PLXDC2: variants seen among roughly 807,000 people sequenced by gnomAD.
PLXDC2 encodes plexin domain-containing protein 2.
In PLXDC2, 40 loss-of-function variants were observed where a neutral mutation model predicts 68.9. The observed-to-expected ratio is 0.58, with a 90% CI of 0.45 to 0.76. The LOEUF is 0.76. Among genes scored for constraint, PLXDC2 ranks in the 30% least tolerant of loss-of-function variants. The pLI is 0.00. For missense variants in PLXDC2, 644 were observed against 661.9 expected (o/e 0.97, Z 0.30); for synonymous variants, 243 against 234.2 (o/e 1.04, Z -0.34).
chr10:20,087,362 T>C lies in PLXDC2; in HGVS notation c.541+19123T>C, dbSNP rs144722670. On this transcript the variant is annotated intron_variant, in intron 4 of 13. Coordinates refer to ENST00000377252, the MANE Select transcript of PLXDC2 (RefSeq NM_032812.9). ...CTCAGAGAATATTTAAGATAATTTA[T>C]TACTACTAAAAATGGTTGGCTTGCT... 2.7e-3 allele frequency among the ~76,000 whole-genome samples: 411 copies of C among 152,296 alleles called. 4 individuals are homozygous for C. The highest frequency in any genetic ancestry group is 2.4e-3 in the Non-Finnish European group (165 of 68,030).
At chr10:20,004,320 T>C (rs1834989882) in intron 2 of PLXDC2, among the ~76,000 whole-genome samples, 1 of 152,196 alleles carries the variant, frequency 6.6e-6, no homozygotes, top group African/African-American at 2.4e-5. Context: ...CAACGGTTGA[T>C]GTGTCAGGAG....
chr10:20,048,461 A>G (rs562887401), intron 3 of PLXDC2, among the ~76,000 whole-genome samples: 6 of 152,206 alleles, frequency 3.9e-5, no homozygotes, highest in East Asian at 1.9e-4. Flanking sequence ...TTTCCAACAG[A>G]TTGTCAAAAG....
chr10:19,965,311 A>C (rs888114179), intron 1 of PLXDC2, among the ~76,000 whole-genome samples: 2 of 152,176 alleles, frequency 1.3e-5, no homozygotes, highest in Non-Finnish European at 2.9e-5. Context: ...AAGGAGTTCT[A>C]CCATAATCAT....
At chr10:19,838,394 A>G (rs1429361423) in intron 1 of PLXDC2, among the ~76,000 whole-genome samples, 1 of 152,224 alleles carries the variant, frequency 6.6e-6, no homozygotes, top group Admixed American at 6.5e-5. Context: ...TTTCTATACT[A>G]TTTGTTAACT....
chr10:20,050,155 C>T (rs1835867377), intron 3 of PLXDC2, among the ~76,000 whole-genome samples: 1 of 152,094 alleles, frequency 6.6e-6, no homozygotes, highest in South Asian at 2.1e-4. Flanking sequence ...ACTGGCTAGC[C>T]ATATACAGCA....
At chr10:20,235,969 T>C (rs2131883320) in intron 12 of PLXDC2, among the ~76,000 whole-genome samples, 1 of 152,282 alleles carries the variant, frequency 6.6e-6, no homozygotes, top group South Asian at 2.1e-4. Context: ...CTAAGTTTTT[T>C]GTGTAGTTAA....
intron 6 of PLXDC2, among the ~76,000 whole-genome samples, chr10:20,156,268 G>A (rs78493969): frequency 0.065 from 9,830 of 152,184 alleles, 359 homozygotes; most frequent in South Asian, 0.086. Flanking sequence ...CAGACTCTTC[G>A]TGTTCCAATT....
chr10:20,072,243 G>A (rs991100441), intron 4 of PLXDC2, among the ~76,000 whole-genome samples: 1 of 151,838 alleles, frequency 6.6e-6, no homozygotes, highest in African/African-American at 2.4e-5. Context: ...GGTGGCACAT[G>A]CCTGTAATCC....
chr10:20,241,155 T>C (rs908219676), intron 12 of PLXDC2, among the ~76,000 whole-genome samples: 1 of 152,096 alleles, frequency 6.6e-6, no homozygotes, highest in Admixed American at 6.6e-5. Context: ...AAGGAGATAA[T>C]GTCACTAAAT....
intron 7 of PLXDC2, among the ~76,000 whole-genome samples, chr10:20,167,891 A>T (rs1589662612): frequency 6.6e-6 from 1 of 152,088 alleles, no homozygotes; most frequent in East Asian, 1.9e-4. Context: ...TATTATTAAA[A>T]TTTCTCCCTA....
At chr10:20,160,733 TAA>T (rs1474892972) in intron 6 of PLXDC2, among the ~76,000 whole-genome samples, 1 of 152,042 alleles carries the variant, frequency 6.6e-6, no homozygotes, top group Non-Finnish European at 1.5e-5. Context: ...AAGAATAAAC[TAA>T]AGAGACAGAA....
At chr10:20,146,642 T>TA (rs1256207286) in intron 5 of PLXDC2, among the ~76,000 whole-genome samples, 23 of 151,792 alleles carry the variant, frequency 1.5e-4, no homozygotes, top group African/African-American at 5.5e-4. Context: ...AAGGTCAAGT[T>TA]AAAAAACTTT....
At chr10:20,207,264 T>A (rs1835005561) in intron 9 of PLXDC2, among the ~76,000 whole-genome samples, 1 of 152,184 alleles carries the variant, frequency 6.6e-6, no homozygotes, top group African/African-American at 2.4e-5. Context: ...CAGTAAAACT[T>A]AATTTCACAC....
intron 1 of PLXDC2, among the ~76,000 whole-genome samples, chr10:19,828,939 GAAAGATCTTTCTAA>G (rs1324592663): frequency 2.0e-5 from 3 of 152,078 alleles, no homozygotes; most frequent in African/African-American, 7.2e-5. Flanking sequence ...TCCACAGCCA[GAAAGATCTTTCTAA>G]AATGCAAATC....
chr10:20,148,461 A>G (rs1834108127), intron 6 of PLXDC2, among the ~76,000 whole-genome samples: 1 of 152,202 alleles, frequency 6.6e-6, no homozygotes, highest in African/African-American at 2.4e-5. Context: ...AAAACAAGGA[A>G]ATTTAAACTT....
At chr10:19,898,851 T>C (rs989046800) in intron 1 of PLXDC2, among the ~76,000 whole-genome samples, 8 of 152,204 alleles carry the variant, frequency 5.3e-5, no homozygotes, top group Non-Finnish European at 1.2e-4. Flanking sequence ...AAATATTTAC[T>C]TGGAAGCTAC....
chr10:19,879,079 A>G (rs1409933186), intron 1 of PLXDC2, among the ~76,000 whole-genome samples: 1 of 152,192 alleles, frequency 6.6e-6, no homozygotes, highest in Non-Finnish European at 1.5e-5. Flanking sequence ...ATCATTAGCC[A>G]GTGAATCATT....
intron 12 of PLXDC2, among the ~76,000 whole-genome samples, chr10:20,224,742 T>A (rs1835264181): frequency 6.6e-6 from 1 of 152,250 alleles, no homozygotes. Context: ...CAAAATTGGT[T>A]AACTGAGATT....
chr10:19,919,419 T>C (rs1305692537), intron 1 of PLXDC2, among the ~76,000 whole-genome samples: 1 of 152,194 alleles, frequency 6.6e-6, no homozygotes, highest in African/African-American at 2.4e-5. Flanking sequence ...CTGCCAAGCT[T>C]GTTGGGAGCC....
Sources: gnomAD v4.1 joint callset for allele counts (sites outside exome capture counted in the v4.1 genomes callset) on GRCh38, gnomAD v4.1.1 for gene constraint, MANE v1.5 for transcripts, NCBI Gene and HGNC (gene_info 2026-07-23, HGNC 2026-07-21) for gene names.